Variants in GSPT1 observed in about 807,000 individuals in gnomAD.
GSPT1 encodes the protein eukaryotic peptide chain release factor GTP-binding subunit ERF3A.
Under a neutral mutation model 72.5 loss-of-function variants are expected in GSPT1, and 20 were observed. That is an observed-to-expected ratio of 0.28 (90% CI 0.19 to 0.40). The LOEUF (loss-of-function observed/expected upper bound fraction) is 0.40. GSPT1 is among the 10% of genes least tolerant of loss of function. The pLI is 1.00. For synonymous variants in GSPT1, 334 were observed against 293.5 expected, an observed-to-expected ratio of 1.14 and a Z score of -1.41; for missense variants, 580 against 811.9, an observed-to-expected ratio of 0.71 and a Z score of 3.47.
intron 1 of GSPT1, among the ~76,000 whole-genome samples, chr16:11,903,432 T>C (rs1217131166): frequency 6.6e-6 from 1 of 152,144 alleles, no homozygotes; most frequent in East Asian, 1.9e-4. Context: ...TCTGGCAATC[T>C]TGAACCTGCG....
At chr16:11,905,604 G>A (rs1463562095) in intron 1 of GSPT1, among the ~76,000 whole-genome samples, 1 of 152,136 alleles carries the variant, frequency 6.6e-6, no homozygotes, top group Non-Finnish European at 1.5e-5. Context: ...GGAGGCCAAG[G>A]CGGGCAGATA....
Position 11,913,526 on chromosome 16 carries a change from G to A in GSPT1, c.352+1843C>T, listed in dbSNP as rs562939321. 4.6e-5 allele frequency among the ~76,000 whole-genome samples: 7 copies of A among 152,324 alleles called. No homozygotes were observed. The South Asian group carries it at 1.0e-3, about 23-fold the overall frequency. On this transcript the variant is annotated intron_variant, in intron 1 of 14. Coordinates refer to ENST00000434724, the MANE Select transcript of GSPT1 (RefSeq NM_002094.4). ...GGAAGAGAGAAAGCCCGCATAAGAG[G>A]TAATACCTAGTCACCAACAGTGACC...
chr16:11,894,893 C>T (rs1596468023), intron 5 of GSPT1, 61 bp downstream of exon 5: 1 of 1,070,648 alleles, frequency 9.3e-7, no homozygotes, highest in Non-Finnish European at 1.4e-6. Context: ...TGAAGGTTTA[C>T]AATGCCTAAA....
rs766757624 is a variant in GSPT1 at position 11,875,889 on chromosome 16, C to T, written c.1733G>A (p.Ser578Asn). The change falls in exon 14 of 15, where the codon AGT (serine) becomes AAT (asparagine). Residue 578 changes from serine (S) to asparagine (N), a missense_variant. This residue lies in a region of GSPT1 where 120 missense variants were observed against 242.5 expected (regional missense o/e 0.49). Coordinates refer to ENST00000434724, the MANE Select transcript of GSPT1 (RefSeq NM_002094.4). ...CLVDKKSGEK[S>N]KTRPRFVKQD... ...TTTGACAAAACGGGGTCGGGTCTTA[C>T]TTTTTTCTCCTGATTTTTTGTCTAC... 1 of 1,613,488 alleles carries T rather than the reference C, an allele frequency of 6.2e-7. No homozygotes were observed. The highest frequency in any genetic ancestry group is 1.1e-5 in the South Asian group (1 of 91,018).
intron 1 of GSPT1, among the ~76,000 whole-genome samples, chr16:11,910,114 A>G (rs1375099392): frequency 6.6e-6 from 1 of 152,128 alleles, no homozygotes; most frequent in Non-Finnish European, 1.5e-5. Context: ...TAATAAGTAA[A>G]AAGTTTTTTA....
In GSPT1 at chr16:11,915,708, T is replaced by A; in HGVS notation, c.13A>T (p.Ser5Cys). 2 of 1,473,378 alleles carry A rather than the reference T, an allele frequency of 1.4e-6. No individual in the cohort carries two copies. Among genetic ancestry groups the A allele is most frequent in the South Asian group, 1.2e-5 (1 of 80,372 alleles). The allele number at this position is 1,473,378 out of a possible 1,614,324, so 91.3% of individuals were successfully genotyped here. The change falls in exon 1 of 15, where the codon AGT (serine) becomes TGT (cysteine). Residue 5 changes from serine to cysteine, a missense_variant. Around this residue, in one of 6 missense-constraint regions of GSPT1, gnomAD observed 327 missense variants for 298.8 expected, o/e 1.09. Transcript: ENST00000434724. ...CCGCCGCCGCCGCCGCCGCCGCCAC[T>A]GCCCGGATCCATGATCGGGGGGGCC... MDPGSGGGGGGGGGG... is the reference protein window; with the variant it reads MDPGCGGGGGGGGGG...
chr16:11,885,374 C>T (rs559513294), intron 9 of GSPT1, 100 bp from the exon 10 acceptor site: 3 of 661,560 alleles, frequency 4.5e-6, no homozygotes, highest in African/African-American at 1.8e-5. Context: ...TTTCATTCTA[C>T]TCATGTATTC....
rs1188633195 is a variant in GSPT1 at position 11,897,897 on chromosome 16, AAATAT to A, written c.395-21_395-17del. The A allele has an allele frequency of 1.3e-6, 2 of 1,517,536 alleles. No individual in the cohort carries two copies. The highest frequency in any genetic ancestry group is 1.4e-5 in the African/African-American group (1 of 72,698). 94.0% of individuals were successfully genotyped at this position (1,517,536 alleles called of 1,614,324 possible). A position where few individuals can be genotyped will look rare whatever the true frequency, so the allele number is the denominator to read the frequency against. ...GAATTTGAACCTAGACAAGAGATTG[AAATAT>A]AATATATATTTACCAAACAGTATCT... On this transcript the variant is annotated splice_polypyrimidine_tract_variant and intron_variant, in intron 2 of 14. Transcript: ENST00000434724.
rs371293585 is a variant in GSPT1, at chr16:11,912,046, TA to T, written c.352+3322del. On this transcript the variant is annotated intron_variant, in intron 1 of 14. Transcript: ENST00000434724. ...GTGTGTAAGTTAAATGTCAATCATT[TA>T]AAAAAAAAAAAAAAAAAGGCCAGGC... Among the ~76,000 whole-genome samples, 195 of 113,184 alleles carry T rather than the reference TA, an allele frequency of 1.7e-3. 1 individual carries two copies. The highest frequency in any genetic ancestry group is 4.8e-3 in the Middle Eastern group (1 of 210). The allele number at this position is 113,184 out of a possible 152,430, so 74.3% of individuals were successfully genotyped here.
chr16:11,883,076 A>C lies in GSPT1; in HGVS notation c.1367T>G (p.Leu456Arg), dbSNP rs749326362. The C allele has an allele frequency of 6.2e-7, 1 of 1,605,516 alleles. No homozygotes were observed. The highest frequency in any genetic ancestry group is 8.5e-7 in the Non-Finnish European group (1 of 1,172,252). The change falls in exon 11 of 15, where the codon CTG becomes CGG. Residue 456 changes from leucine to arginine, a missense_variant. Transcript: ENST00000434724. ...DKYKDMGTVVLGKLESGSICK... is the reference protein window; with the variant it reads ...DKYKDMGTVVRGKLESGSICK... ...AATAGATCCTGATTCCAGCTTTCCC[A>C]GGACCACAGTGCCCATATCCTGATC...
At chr16:11,916,014 C>T, upstream of GSPT1, 1 of 668,034 alleles carries the variant, frequency 1.5e-6, no homozygotes, top group Admixed American at 1.8e-5. Flanking sequence ...ACCCCCGGCG[C>T]GGATTGACCC....
rs1315438904 is a variant in GSPT1 at position 11,908,580 on chromosome 16, GAAACCC to G, written c.352+6783_352+6788del. On this transcript the variant is annotated intron_variant, in intron 1 of 14. Transcript: ENST00000434724. ...TCGAGACCATCCCGGCTAAAACGGT[GAAACCC>G]CGTCTCTACTAAAAATACAAAAAAT... 1.0e-4 allele frequency: 11 copies of G among 107,350 alleles called. 2 individuals carry two copies. Among genetic ancestry groups the G allele is most frequent in the African/African-American group, 3.3e-4 (7 of 21,010 alleles). 6.6% of individuals were successfully genotyped at this position (107,350 alleles called of 1,614,324 possible).
At chr16:11,881,941 A>T (rs953877899) in intron 11 of GSPT1, 1 of 152,290 alleles carries the variant, frequency 6.6e-6, no homozygotes, top group African/African-American at 2.4e-5. Flanking sequence ...GTTAGCCACC[A>T]TGCCTGGCTC....
chr16:11,901,650 G>C (rs1211724460), intron 1 of GSPT1, among the ~76,000 whole-genome samples: 1 of 151,036 alleles, frequency 6.6e-6, no homozygotes, highest in African/African-American at 2.4e-5. Context: ...AATTAGGCTA[G>C]ACATGGTGGC....
At chr16:11,878,362 C>A (rs2141275951) in intron 11 of GSPT1, among the ~76,000 whole-genome samples, 1 of 152,164 alleles carries the variant, frequency 6.6e-6, no homozygotes, top group East Asian at 1.9e-4. Context: ...GGTGATCCAC[C>A]CACCTTGGCC....
In GSPT1 at chr16:11,915,496, G is replaced by T; in HGVS notation, c.225C>A (p.Pro75=). The T allele has an allele frequency of 6.5e-7, 1 of 1,550,314 alleles. No individual in the cohort carries two copies. Among genetic ancestry groups the T allele is most frequent in the East Asian group, 2.6e-5 (1 of 38,046 alleles). ...FSRQLNVNAK[P]FVPNVHAAEF... ...CGGCGGCGTGGACGTTGGGCACGAA[G>T]GGCTTGGCGTTGACGTTGAGTTGCC... Residue 75 remains proline (P), a synonymous_variant, in exon 1 of 15, where the codon CCC becomes CCA. Coordinates refer to ENST00000434724, the MANE Select transcript of GSPT1 (RefSeq NM_002094.4).
chr16:11,896,038 T>C (rs891343536), intron 4 of GSPT1, among the ~76,000 whole-genome samples: 1 of 152,232 alleles, frequency 6.6e-6, no homozygotes, highest in Non-Finnish European at 1.5e-5. Flanking sequence ...CTGTATTTTT[T>C]TTCTCACAAT....
intron 5 of GSPT1, 116 bp downstream of exon 5, chr16:11,894,837 TA>T: frequency 1.6e-6 from 1 of 640,648 alleles, no homozygotes; most frequent in South Asian, 1.8e-5. Flanking sequence ...ATTTTATTTT[TA>T]ATTTTTCTTT....
At chr16:11,902,786 C>A (rs901343576) in intron 1 of GSPT1, among the ~76,000 whole-genome samples, 2 of 151,918 alleles carry the variant, frequency 1.3e-5, no homozygotes, top group African/African-American at 4.8e-5. Context: ...GGGGGTTTCA[C>A]GATGTTGCCA....
Sources: allele counts gnomAD v4.1 joint callset (sites outside exome capture counted in the v4.1 genomes callset), GRCh38; gene constraint gnomAD v4.1.1; regional missense constraint gnomAD v4.1.1; transcripts MANE v1.5; gene names NCBI Gene and HGNC (gene_info 2026-07-23, HGNC 2026-07-21).